PSTPIP2: variants seen among roughly 807,000 people sequenced by gnomAD.
PSTPIP2 encodes proline-serine-threonine phosphatase-interacting protein 2.
A neutral mutation model predicts 63.3 loss-of-function variants in PSTPIP2; 33 were observed. The observed-to-expected ratio is 0.52, with a 90% confidence interval of 0.40 to 0.70. PSTPIP2 has a LOEUF of 0.70. Ranked by LOEUF, PSTPIP2 falls within the 30% of genes least tolerant of loss-of-function variation. The probability of loss-of-function intolerance (pLI) is 0.00; values close to 1 mark genes in which losing one functional copy is unlikely to be tolerated. For synonymous variants in PSTPIP2, 125 were observed against 132.7 expected (o/e 0.94, Z 0.40); for missense variants, 312 against 400.7 (o/e 0.78, Z 1.89).
At chr18:46,022,436 A>G (rs1907398502) in intron 3 of PSTPIP2, among the ~76,000 whole-genome samples, 1 of 152,108 alleles carries the variant, frequency 6.6e-6, no homozygotes, top group African/African-American at 2.4e-5. Context: ...AGCAGGATAC[A>G]GGAAAGTATG....
chr18:46,067,376 C>T (rs1325833159), intron 1 of PSTPIP2, among the ~76,000 whole-genome samples: 2 of 150,054 alleles, frequency 1.3e-5, no homozygotes, highest in Non-Finnish European at 3.0e-5. Context: ...GGTGGCGGGC[C>T]CCTGTAGTCC....
At chr18:46,070,179 C>T (rs549821335) in intron 1 of PSTPIP2, among the ~76,000 whole-genome samples, 1 of 152,292 alleles carries the variant, frequency 6.6e-6, no homozygotes, top group Non-Finnish European at 1.5e-5. Flanking sequence ...TCATGCTGTT[C>T]GGTAAGCTCT....
Position 46,012,286 on chromosome 18 carries a change from C to T in PSTPIP2, c.248-999G>A, listed in dbSNP as rs573664381. Among the ~76,000 whole-genome samples the T allele has an allele frequency of 8.2e-4, 124 of 151,682 alleles. No individual in the cohort carries two copies. In the Middle Eastern group the frequency reaches 0.014, roughly 17 times the overall value. ...ACTGTTGGGGAAAAAAAAAACAGCA[C>T]AACCTTTCTGGAGGAAATTTGGCAT... On this transcript the variant is annotated intron_variant, in intron 4 of 14. Transcript: ENST00000409746.
intron 2 of PSTPIP2, 98 bp from the exon 3 acceptor site, chr18:46,024,784 C>T: frequency 2.3e-6 from 2 of 872,458 alleles, no homozygotes; most frequent in Non-Finnish European, 3.8e-6. Flanking sequence ...GCACCTGTGA[C>T]CATAGAAGCT....
At chr18:45,986,736 G>T (rs1241065709) in intron 14 of PSTPIP2, among the ~76,000 whole-genome samples, 1 of 152,192 alleles carries the variant, frequency 6.6e-6, no homozygotes, top group African/African-American at 2.4e-5. Context: ...GGTACTTTAT[G>T]TCTTCAAGTT....
At chr18:46,026,499 G>A (rs1275610462) in intron 2 of PSTPIP2, among the ~76,000 whole-genome samples, 1 of 152,092 alleles carries the variant, frequency 6.6e-6, no homozygotes, top group Non-Finnish European at 1.5e-5. Flanking sequence ...CTCCCATCCT[G>A]TCATTTGTCT....
intron 10 of PSTPIP2, among the ~76,000 whole-genome samples, chr18:45,993,383 C>T (rs73953950): frequency 0.17 from 26,420 of 152,164 alleles, 2,704 homozygotes; most frequent in East Asian, 0.41. Flanking sequence ...GAGTGAACCA[C>T]CGCTCCCAGC....
intron 1 of PSTPIP2, chr18:46,040,957 C>T (rs762288120): frequency 3.1e-5 from 14 of 455,026 alleles, no homozygotes; most frequent in East Asian, 7.0e-5. Context: ...CTCATACTGC[C>T]GGATGGAAAC....
chr18:45,997,126 A>G (rs73438235), intron 9 of PSTPIP2, among the ~76,000 whole-genome samples: 43 of 152,296 alleles, frequency 2.8e-4, no homozygotes, highest in African/African-American at 9.9e-4. Flanking sequence ...TGAGGCAGAC[A>G]AGGTTTGGGG....
intron 1 of PSTPIP2, among the ~76,000 whole-genome samples, chr18:46,060,104 AT>A (rs1210444281): frequency 2.0e-5 from 3 of 152,230 alleles, no homozygotes; most frequent in African/African-American, 7.2e-5. Context: ...TAAACTTAAT[AT>A]TACAAGTGTC....
chr18:45,999,978 A>G (rs1361814041), intron 6 of PSTPIP2, among the ~76,000 whole-genome samples: 3 of 152,132 alleles, frequency 2.0e-5, no homozygotes, highest in Non-Finnish European at 4.4e-5. Context: ...ATCTCTACAA[A>G]AAACACAAAA....
Position 46,050,387 on chromosome 18 carries a change from T to C in PSTPIP2, c.34-10340A>G, listed in dbSNP as rs114000884. 7.0e-3 allele frequency among the ~76,000 whole-genome samples: 1,058 copies of C among 152,078 alleles called. 7 individuals carry two copies. The highest frequency in any genetic ancestry group is 0.024 in the African/African-American group (992 of 41,490). ...GAGTTCGCGACAAGCCTAAGAAACA[T>C]GGCAAAACCCCATCTCTACAAAAAA... On this transcript the variant is annotated intron_variant, in intron 1 of 14. Transcript: ENST00000409746.
At chr18:46,041,127 G>A in intron 1 of PSTPIP2, 1 of 450,796 alleles carries the variant, frequency 2.2e-6, no homozygotes, top group Non-Finnish European at 4.5e-6. Context: ...TGAGCCAGAA[G>A]CCAGGAACCA....
At chr18:46,018,348 A>C (rs966166121) in intron 3 of PSTPIP2, among the ~76,000 whole-genome samples, 8 of 152,032 alleles carry the variant, frequency 5.3e-5, no homozygotes, top group Non-Finnish European at 1.2e-4. Context: ...AGGAGATGCA[A>C]CCACTCCCAA....
intron 1 of PSTPIP2, among the ~76,000 whole-genome samples, chr18:46,069,253 A>C (rs549732238): frequency 2.6e-5 from 4 of 152,304 alleles, no homozygotes; most frequent in East Asian, 3.9e-4. Flanking sequence ...TGATCATCCC[A>C]AAAACTGGAA....
intron 2 of PSTPIP2, chr18:46,029,100 T>A: frequency 1.2e-6 from 1 of 819,792 alleles, no homozygotes; most frequent in Admixed American, 1.7e-5. Context: ...GTTTCCAAAC[T>A]GTAAGGCTTA....
At chr18:46,065,084 C>T (rs959595730) in intron 1 of PSTPIP2, among the ~76,000 whole-genome samples, 72 of 136,160 alleles carry the variant, frequency 5.3e-4, no homozygotes, top group Admixed American at 1.6e-4. Flanking sequence ...GCGGAGGTTA[C>T]AGTGAGCCGA....
intron 1 of PSTPIP2, among the ~76,000 whole-genome samples, chr18:46,065,271 T>C (rs906925017): frequency 6.6e-6 from 1 of 151,428 alleles, no homozygotes; most frequent in Non-Finnish European, 1.5e-5. Context: ...GGAAAGTAGA[T>C]AGCAATATAT....
At chr18:46,062,705 C>T (rs962404143) in intron 1 of PSTPIP2, among the ~76,000 whole-genome samples, 3 of 151,858 alleles carry the variant, frequency 2.0e-5, no homozygotes, top group African/African-American at 4.8e-5. Flanking sequence ...TTAGTAGAGA[C>T]GGGGTTTCAC....
Sources: gnomAD v4.1 joint callset for allele counts (sites outside exome capture counted in the v4.1 genomes callset) on GRCh38, gnomAD v4.1.1 for gene constraint, MANE v1.5 for transcripts, NCBI Gene and HGNC (gene_info 2026-07-23, HGNC 2026-07-21) for gene names.